The following EIF3L variants were observed in gnomAD, a reference collection of about 807,000 sequenced individuals.
EIF3L encodes the protein eIEF associated protein HSPC021.
Under a neutral mutation model 74.6 loss-of-function variants are expected in EIF3L, and 32 were observed. The observed-to-expected ratio is 0.43, with a 90% CI of 0.32 to 0.58. The LOEUF (loss-of-function observed/expected upper bound fraction) is 0.58, where lower values mean the gene tolerates loss of function less well. EIF3L is among the 20% of genes least tolerant of loss of function. The probability of loss-of-function intolerance (pLI) is 0.06; values close to 1 mark genes in which losing one functional copy is unlikely to be tolerated. For synonymous variants in EIF3L, 256 were observed against 254.4 expected (o/e 1.01, Z -0.06); for missense variants, 474 against 707.8 (o/e 0.67, Z 3.75).
At chr22:37,882,392 G>A (rs1198648133) in intron 11 of EIF3L, 1 of 151,968 alleles carries the variant, frequency 6.6e-6, no homozygotes, top group African/African-American at 2.4e-5. Context: ...CATAATTTTA[G>A]GCTGAGTGCA....
intron 8 of EIF3L, among the ~76,000 whole-genome samples, chr22:37,873,435 C>T (rs1223267076): frequency 5.6e-5 from 3 of 53,624 alleles, no homozygotes; most frequent in South Asian, 9.6e-4. Context: ...AGTAGCTGGG[C>T]TACAGGCGCC....
intron 10 of EIF3L, chr22:37,877,285 C>G (rs1056421347): frequency 5.4e-6 from 1 of 185,958 alleles, no homozygotes; most frequent in Non-Finnish European, 1.1e-5. Context: ...GGCCCATGGC[C>G]CGTTGTTGAC....
chr22:37,869,505 C>G (rs1006705598), intron 7 of EIF3L, among the ~76,000 whole-genome samples: 2 of 152,120 alleles, frequency 1.3e-5, no homozygotes, highest in African/African-American at 4.8e-5. Flanking sequence ...CTGATGCACA[C>G]CAGATTCAAC....
intron 5 of EIF3L, among the ~76,000 whole-genome samples, chr22:37,862,557 T>C (rs1925913343): frequency 6.6e-6 from 1 of 152,216 alleles, no homozygotes; most frequent in Non-Finnish European, 1.5e-5. Flanking sequence ...TAGATGCTTG[T>C]TTGGCGTTGG....
chr22:37,865,768 T>C (rs1926117886), intron 7 of EIF3L, among the ~76,000 whole-genome samples: 1 of 152,242 alleles, frequency 6.6e-6, no homozygotes, highest in Non-Finnish European at 1.5e-5. Context: ...GCTCCTTGGC[T>C]TGTGTCATCC....
intron 7 of EIF3L, among the ~76,000 whole-genome samples, chr22:37,865,632 C>T (rs933010471): frequency 3.9e-5 from 6 of 152,080 alleles, no homozygotes; most frequent in African/African-American, 9.7e-5. Flanking sequence ...AGTGCTGAAC[C>T]GTTACGAGTG....
rs557991320 is a variant in EIF3L at position 37,856,822 on chromosome 22, C to G, written c.373+1178C>G. On this transcript the variant is annotated intron_variant, in intron 4 of 12. Coordinates refer to ENST00000652021, the MANE Select transcript of EIF3L (RefSeq NM_016091.4). ...TCGCGCCATTGCACTCCAGCCTGGG[C>G]AACAAGAGCGAAACTCCGCCTCAAA... Among the ~76,000 whole-genome samples, 100 of 145,654 alleles carry G rather than the reference C, an allele frequency of 6.9e-4. 2 individuals carry two copies. In the South Asian group the frequency reaches 0.021, roughly 31 times the overall value.
At position 37,855,658 on chromosome 22, in the gene EIF3L, C is replaced by G. The variant is rs775689994; in HGVS notation, c.373+14C>G. 1.9e-6 allele frequency: 3 copies of G among 1,610,942 alleles called. 1 individual carries two copies. The highest frequency in any genetic ancestry group is 2.2e-5 in the South Asian group (2 of 90,964). ...AGGTTGGCAATGGTAGGTGTGAGCT[C>G]TTTATATCTTGTGCACTGAGTGGAA... On this transcript the variant is annotated intron_variant, in intron 4 of 12. Transcript: ENST00000652021.
intron 9 of EIF3L, 27 bp from the exon 10 acceptor site, chr22:37,875,814 G>A: frequency 6.2e-7 from 1 of 1,600,880 alleles, no homozygotes; most frequent in Non-Finnish European, 8.5e-7. Context: ...TGGGACTCAT[G>A]AATGTTTGTT....
intron 5 of EIF3L, among the ~76,000 whole-genome samples, chr22:37,860,973 A>T (rs952837175): frequency 6.6e-6 from 1 of 152,064 alleles, no homozygotes; most frequent in Non-Finnish European, 1.5e-5. Flanking sequence ...TCCTGGCAAT[A>T]TTCGTGGCAC....
intron 2 of EIF3L, chr22:37,850,582 A>C (rs1006468417): frequency 1.0e-4 from 18 of 174,086 alleles, no homozygotes; most frequent in Admixed American, 2.4e-4. Flanking sequence ...CAGGTGATCC[A>C]CCCGCCCCAA....
intron 3 of EIF3L, among the ~76,000 whole-genome samples, chr22:37,855,179 A>G (rs979059201): frequency 2.0e-5 from 3 of 152,148 alleles, no homozygotes; most frequent in Non-Finnish European, 4.4e-5. Flanking sequence ...ACTGCAGCAG[A>G]CTGATTTGCT....
At chr22:37,860,471 C>CA (rs1925797743) in intron 5 of EIF3L, among the ~76,000 whole-genome samples, 1 of 152,224 alleles carries the variant, frequency 6.6e-6, no homozygotes, top group African/African-American at 2.4e-5. Context: ...TCTCCAGGCT[C>CA]AAACGATTCT....
chr22:37,854,464 TGTTTTTG>T (rs1404601977), intron 3 of EIF3L, among the ~76,000 whole-genome samples: 1 of 152,164 alleles, frequency 6.6e-6, no homozygotes, highest in Admixed American at 6.6e-5. Context: ...GTGTTTTTTC[TGTTTTTG>T]TTTTTTGTTT....
intron 11 of EIF3L, 167 bp downstream of exon 11, chr22:37,878,338 G>A: frequency 2.4e-6 from 2 of 825,366 alleles, no homozygotes; most frequent in African/African-American, 3.5e-5. Context: ...AGTACTTTAG[G>A]GGAGGCTGGG....
At chr22:37,856,120 C>T (rs993863521) in intron 4 of EIF3L, among the ~76,000 whole-genome samples, 1 of 151,946 alleles carries the variant, frequency 6.6e-6, no homozygotes, top group African/African-American at 2.4e-5. Flanking sequence ...TACAGTGGCA[C>T]AATCTTGGCT....
chr22:37,852,129 T>G (rs777062338), intron 3 of EIF3L, among the ~76,000 whole-genome samples: 2 of 152,146 alleles, frequency 1.3e-5, no homozygotes, highest in Non-Finnish European at 2.9e-5. Flanking sequence ...CCTCAGAAAT[T>G]TATACAAAGC....
intron 11 of EIF3L, 123 bp downstream of exon 11, chr22:37,878,294 G>A: frequency 7.7e-7 from 1 of 1,294,464 alleles, no homozygotes; most frequent in Admixed American, 2.7e-5. Context: ...GCTGCCACAA[G>A]GTGCCAGGTG....
In EIF3L at chr22:37,870,280, C is replaced by T; in HGVS notation, c.684C>T (p.Leu228=). ...AAATCTGGAATGTTCATAGTGTCCTCAATGTCCTTCATTCCCTGGTAGACA... is the reference window on the plus strand; with the variant it reads ...AAATCTGGAATGTTCATAGTGTCCTTAATGTCCTTCATTCCCTGGTAGACA... ...NPKIWNVHSV[L]NVLHSLVDKS... is the part of the protein sequence containing the mutation. Residue 228 remains leucine, a synonymous_variant, in exon 8 of 13, where the codon CTC becomes CTT. Transcript: ENST00000652021. 6.2e-7 allele frequency: 1 copy of T among 1,614,012 alleles called. No individual in the cohort carries two copies. The highest frequency in any genetic ancestry group is 1.1e-5 in the South Asian group (1 of 91,058).
Sources: allele counts gnomAD v4.1 joint callset (sites outside exome capture counted in the v4.1 genomes callset), GRCh38; gene constraint gnomAD v4.1.1; transcripts MANE v1.5; gene names NCBI Gene and HGNC (gene_info 2026-07-23, HGNC 2026-07-21).